Variants in UNC13C observed in about 807,000 individuals in gnomAD.
The protein encoded by UNC13C is unc-13 homolog C.
Under a neutral mutation model 245.4 loss-of-function variants are expected in UNC13C, and 174 were observed. The observed-to-expected ratio is 0.71, with a 90% CI of 0.63 to 0.80. The LOEUF (loss-of-function observed/expected upper bound fraction) is 0.80, where lower values mean the gene tolerates loss of function less well. Ranked by LOEUF, UNC13C falls within the 30% of genes least tolerant of loss-of-function variation. The pLI is 0.00. For synonymous variants in UNC13C, 992 were observed against 895.1 expected (o/e 1.11, Z -1.93); for missense variants, 2,829 against 2,602.9 (o/e 1.09, Z -1.89).
chr15:54,129,343 C>A (rs904880603), intron 2 of UNC13C, among the ~76,000 whole-genome samples: 5 of 152,150 alleles, frequency 3.3e-5, no homozygotes, highest in Non-Finnish European at 1.5e-5. Flanking sequence ...AATCTTATCA[C>A]ATACTTTCTT....
chr15:54,426,183 A>G (rs924978228), intron 19 of UNC13C, among the ~76,000 whole-genome samples: 1 of 151,466 alleles, frequency 6.6e-6, no homozygotes. Context: ...ATTTAACAGA[A>G]CATATTCATA....
At chr15:54,100,759 C>CTT (rs1342668293) in intron 2 of UNC13C, among the ~76,000 whole-genome samples, 1 of 151,936 alleles carries the variant, frequency 6.6e-6, no homozygotes, top group Non-Finnish European at 1.5e-5. Context: ...CAAAACCTTT[C>CTT]TTTCTACCTG....
chr15:53,875,948 C>T, the UNC13C span, among the ~76,000 whole-genome samples: 1,847 of 152,220 alleles, frequency 0.012, 28 homozygotes, highest in Non-Finnish European at 0.016. Flanking sequence ...GGAAAGGATG[C>T]CAATTCATGT....
intron 29 of UNC13C, among the ~76,000 whole-genome samples, chr15:54,565,599 G>A (rs1897477117): frequency 6.6e-6 from 1 of 151,958 alleles, no homozygotes. Context: ...AGAGAACCAG[G>A]TAAGATGTTA....
At chr15:54,540,770 G>A (rs1302302023) in intron 26 of UNC13C, among the ~76,000 whole-genome samples, 2 of 152,050 alleles carry the variant, frequency 1.3e-5, no homozygotes, top group Non-Finnish European at 2.9e-5. Context: ...AGCTGCGCAC[G>A]TGACAATGAT....
intron 2 of UNC13C, among the ~76,000 whole-genome samples, chr15:54,087,738 A>G (rs764721410): frequency 1.3e-5 from 2 of 152,308 alleles, no homozygotes; most frequent in Middle Eastern, 3.4e-3. Context: ...GTTACTGATT[A>G]GCTCTTGTAA....
intron 2 of UNC13C, among the ~76,000 whole-genome samples, chr15:54,064,717 C>A (rs1226819502): frequency 1.3e-5 from 2 of 152,154 alleles, no homozygotes; most frequent in East Asian, 3.9e-4. Context: ...TTGTTAAGAG[C>A]AGTTAAATAG....
At chr15:54,353,431 A>G (rs2039027293) in intron 17 of UNC13C, among the ~76,000 whole-genome samples, 1 of 152,186 alleles carries the variant, frequency 6.6e-6, no homozygotes, top group Non-Finnish European at 1.5e-5. Context: ...GTCACAATCA[A>G]TCAATCAATC....
intron 19 of UNC13C, among the ~76,000 whole-genome samples, chr15:54,423,234 A>G (rs1228995056): frequency 6.6e-6 from 1 of 151,812 alleles, no homozygotes; most frequent in African/African-American, 2.4e-5. Context: ...GTTTAACAAC[A>G]CTGTTCTTAA....
intron 4 of UNC13C, among the ~76,000 whole-genome samples, chr15:54,233,725 G>A (rs1236157486): frequency 1.3e-5 from 2 of 152,122 alleles, no homozygotes; most frequent in Non-Finnish European, 2.9e-5. Context: ...CAAGAACATA[G>A]AGGCCATCTC....
the UNC13C span, among the ~76,000 whole-genome samples, chr15:53,952,862 A>AT: frequency 6.6e-6 from 1 of 152,194 alleles, no homozygotes; most frequent in Non-Finnish European, 1.5e-5. Flanking sequence ...TATTCAGGGC[A>AT]TACGTAATAA....
intron 19 of UNC13C, among the ~76,000 whole-genome samples, chr15:54,466,437 C>T (rs1892174724): frequency 6.6e-6 from 1 of 151,754 alleles, no homozygotes; most frequent in Non-Finnish European, 1.5e-5. Context: ...CTCATGTACC[C>T]CATTAATGTC....
chr15:54,440,270 T>G (rs1276370515), intron 19 of UNC13C, among the ~76,000 whole-genome samples: 1 of 152,048 alleles, frequency 6.6e-6, no homozygotes, highest in African/African-American at 2.4e-5. Context: ...TACAGAACTG[T>G]GAGTCAATTA....
chr15:54,032,011 C>T (rs141713961), intron 2 of UNC13C, among the ~76,000 whole-genome samples: 64 of 152,104 alleles, frequency 4.2e-4, no homozygotes, highest in African/African-American at 1.3e-3. Context: ...AAATAGCTAC[C>T]GGAAGTATTA....
chr15:54,594,512 G>C (rs1178308037), intron 30 of UNC13C, among the ~76,000 whole-genome samples: 1 of 152,028 alleles, frequency 6.6e-6, no homozygotes, highest in Non-Finnish European at 1.5e-5. Context: ...TGGCTGCTGT[G>C]GGGGATGGGG....
intron 28 of UNC13C, among the ~76,000 whole-genome samples, chr15:54,553,870 A>T (rs549070571): frequency 6.6e-6 from 1 of 152,086 alleles, no homozygotes; most frequent in African/African-American, 2.4e-5. Context: ...TTTAATAGAA[A>T]ATATTTTTAA....
Position 54,013,629 on chromosome 15 carries a change from C to G in UNC13C, c.726C>G (p.Val242=). 6.2e-7 allele frequency: 1 copy of G among 1,613,684 alleles called. No individual in the cohort carries two copies. The highest frequency in any genetic ancestry group is 8.5e-7 in the Non-Finnish European group (1 of 1,179,766). Reference sequence around the variant, plus strand: ...GCTGCATTAGCCAAACACATGATGTCATGGAAATGATCTTTAAGGAACTTC... The same window carrying G: ...GCTGCATTAGCCAAACACATGATGTGATGGAAATGATCTTTAAGGAACTTC... ...SSGCISQTHD[V]MEMIFKELQG... Residue 242 remains valine (V), a synonymous_variant, in exon 2 of 33, where the codon GTC becomes GTG. Transcript: ENST00000260323.
chr15:54,015,600 T>C lies in UNC13C; in HGVS notation c.2697T>C (p.Asp899=), dbSNP rs1337728060. ...LENRTSITET[D]EQMQAYDHLS... ...ACAGGACTAGTATTACTGAAACAGA[T>C]GAACAAATGCAAGCATATGATCACC... Residue 899 remains aspartate (D), a synonymous_variant, in exon 2 of 33, where the codon GAT becomes GAC. Coordinates refer to ENST00000260323, the MANE Select transcript of UNC13C (RefSeq NM_001080534.3). The C allele has an allele frequency of 6.2e-7, 1 of 1,613,832 alleles. No homozygotes were observed. The highest frequency in any genetic ancestry group is 8.5e-7 in the Non-Finnish European group (1 of 1,179,806).
At chr15:54,152,518 C>G (rs2032565402) in intron 4 of UNC13C, among the ~76,000 whole-genome samples, 1 of 152,120 alleles carries the variant, frequency 6.6e-6, no homozygotes, top group African/African-American at 2.4e-5. Context: ...TTAGCTACAT[C>G]AGAGTCAAGC....
Sources: gnomAD v4.1 joint callset for allele counts (sites outside exome capture counted in the v4.1 genomes callset) on GRCh38, gnomAD v4.1.1 for gene constraint, MANE v1.5 for transcripts, NCBI Gene and HGNC (gene_info 2026-07-23, HGNC 2026-07-21) for gene names.